Variants in PRKG1 observed in about 807,000 individuals in gnomAD.
PRKG1 encodes the protein cGMP-dependent protein kinase 1.
Under a neutral mutation model 88.1 loss-of-function variants are expected in PRKG1, and 35 were observed. The ratio of observed to expected loss-of-function variants is 0.40; its 90% CI spans 0.30 to 0.53. The LOEUF (loss-of-function observed/expected upper bound fraction) is 0.53. Among genes scored for constraint, PRKG1 ranks in the 20% least tolerant of loss-of-function variants. The pLI is 0.59. For synonymous variants in PRKG1, 303 were observed against 292.5 expected (o/e 1.04, Z -0.37); for missense variants, 540 against 839.8 (o/e 0.64, Z 4.41).
intron 3 of PRKG1, among the ~76,000 whole-genome samples, chr10:51,601,000 G>A (rs904321079): frequency 1.3e-5 from 2 of 151,238 alleles, no homozygotes; most frequent in Admixed American, 6.6e-5. Flanking sequence ...GACAGCAGGG[G>A]GAGGGGGAAA....
chr10:51,419,968 A>G (rs1348543), intron 2 of PRKG1, among the ~76,000 whole-genome samples: 35,399 of 152,104 alleles, frequency 0.23, 4,425 homozygotes, highest in Middle Eastern at 0.29. Flanking sequence ...CACAAGAACA[A>G]AACTGTTACA....
intron 8 of PRKG1, 36 bp downstream of exon 8, chr10:52,133,941 CAT>C: frequency 6.6e-7 from 1 of 1,519,304 alleles, no homozygotes; most frequent in Non-Finnish European, 9.1e-7. Context: ...ATTACACACT[CAT>C]ATCAGCAACA....
At chr10:51,963,719 A>G (rs776507024) in intron 5 of PRKG1, among the ~76,000 whole-genome samples, 11 of 152,146 alleles carry the variant, frequency 7.2e-5, no homozygotes, top group Non-Finnish European at 1.2e-4. Flanking sequence ...ACATGCTGGG[A>G]TTACAGGCGT....
chr10:51,855,531 C>T (rs1012113264), intron 4 of PRKG1, among the ~76,000 whole-genome samples: 2 of 152,180 alleles, frequency 1.3e-5, no homozygotes, highest in African/African-American at 4.8e-5. Flanking sequence ...ATGTCCAGCA[C>T]AATCATTCTC....
At chr10:51,168,037 T>A (rs1474103276) in intron 2 of PRKG1, among the ~76,000 whole-genome samples, 3 of 152,190 alleles carry the variant, frequency 2.0e-5, no homozygotes, top group Non-Finnish European at 2.9e-5. Flanking sequence ...GATATGGATA[T>A]TCATAAATAT....
chr10:52,108,255 G>T (rs960769174), intron 7 of PRKG1, among the ~76,000 whole-genome samples: 1 of 152,168 alleles, frequency 6.6e-6, no homozygotes, highest in African/African-American at 2.4e-5. Context: ...ATGTTGACAT[G>T]TACATCACAC....
At position 51,218,490 on chromosome 10, in the gene PRKG1, C is replaced by CACATAT. The variant is rs1491238870; in HGVS notation, c.478+65161_478+65162insCATATA. ...ACTTTCATTATAGTTCATCTATCTTCATATATATATATATATATATATATA... is the reference window on the plus strand; with the variant it reads ...ACTTTCATTATAGTTCATCTATCTTCACATATATATATATATATATATATATATATA... On this transcript the variant is annotated intron_variant, in intron 2 of 17. Transcript: ENST00000373980. 5.6e-4 allele frequency among the ~76,000 whole-genome samples: 23 copies of CACATAT among 40,774 alleles called. No individual in the cohort carries two copies. The East Asian group carries it at 0.013, about 23-fold the overall frequency. The allele number at this position is 40,774 out of a possible 152,430, so 26.7% of individuals were successfully genotyped here.
intron 2 of PRKG1, among the ~76,000 whole-genome samples, chr10:51,387,115 G>A (rs1302568625): frequency 1.3e-5 from 2 of 151,926 alleles, no homozygotes; most frequent in Admixed American, 6.6e-5. Flanking sequence ...AACTGAAGGT[G>A]AGAGCAGCCA....
chr10:52,158,349 T>G (rs1838182532), intron 8 of PRKG1, among the ~76,000 whole-genome samples: 1 of 151,806 alleles, frequency 6.6e-6, no homozygotes, highest in African/African-American at 2.4e-5. Context: ...TCATAGGACC[T>G]GAGTAACTAT....
chr10:51,305,518 C>T (rs2132248261), intron 2 of PRKG1, among the ~76,000 whole-genome samples: 1 of 152,178 alleles, frequency 6.6e-6, no homozygotes, highest in East Asian at 1.9e-4. Context: ...ATAACTTTTT[C>T]CAGAAAAATC....
intron 3 of PRKG1, among the ~76,000 whole-genome samples, chr10:51,763,995 T>A (rs1376644156): frequency 6.6e-6 from 1 of 152,216 alleles, no homozygotes; most frequent in Non-Finnish European, 1.5e-5. Context: ...AATCCATTCA[T>A]GAAGTCAGAG....
At chr10:51,347,299 G>A (rs745911338) in intron 2 of PRKG1, among the ~76,000 whole-genome samples, 4 of 152,136 alleles carry the variant, frequency 2.6e-5, no homozygotes, top group Non-Finnish European at 5.9e-5. Flanking sequence ...TATTGAAGAA[G>A]AGTGAATATC....
chr10:52,246,991 T>C (rs1195829455), intron 9 of PRKG1, among the ~76,000 whole-genome samples: 2 of 151,210 alleles, frequency 1.3e-5, no homozygotes, highest in East Asian at 3.9e-4. Flanking sequence ...ATTTGAGAAA[T>C]GATGTATTAC....
At chr10:51,507,800 C>G (rs1375066704) in intron 3 of PRKG1, among the ~76,000 whole-genome samples, 2 of 152,090 alleles carry the variant, frequency 1.3e-5, no homozygotes, top group Non-Finnish European at 2.9e-5. Flanking sequence ...TTCAATTACA[C>G]CATCGAAGAT....
intron 3 of PRKG1, among the ~76,000 whole-genome samples, chr10:51,676,076 C>T (rs1451357690): frequency 6.6e-6 from 1 of 151,412 alleles, no homozygotes; most frequent in Non-Finnish European, 1.5e-5. Context: ...TTGGGACCAG[C>T]CTGGGCAAAA....
intron 3 of PRKG1, among the ~76,000 whole-genome samples, chr10:51,787,069 T>C (rs1226010355): frequency 1.3e-5 from 2 of 152,188 alleles, no homozygotes; most frequent in Non-Finnish European, 2.9e-5. Flanking sequence ...GGAATGTCCT[T>C]GAAGGACTTA....
intron 1 of PRKG1, among the ~76,000 whole-genome samples, chr10:51,087,427 T>C (rs930032739): frequency 6.6e-6 from 1 of 152,190 alleles, no homozygotes; most frequent in African/African-American, 2.4e-5. Flanking sequence ...TCCCAGTTTT[T>C]CATATGGAGA....
At chr10:51,859,923 C>T (rs1021692226) in intron 4 of PRKG1, among the ~76,000 whole-genome samples, 1 of 152,154 alleles carries the variant, frequency 6.6e-6, no homozygotes, top group African/African-American at 2.4e-5. Flanking sequence ...TCTTTGTGGG[C>T]CCTATTAGCC....
intron 2 of PRKG1, among the ~76,000 whole-genome samples, chr10:51,196,917 A>G (rs1359887599): frequency 6.6e-6 from 1 of 152,218 alleles, no homozygotes; most frequent in Non-Finnish European, 1.5e-5. Context: ...TTTCATAACA[A>G]GCATAATAGT....
Sources: allele counts gnomAD v4.1 joint callset (sites outside exome capture counted in the v4.1 genomes callset), GRCh38; gene constraint gnomAD v4.1.1; transcripts MANE v1.5; gene names NCBI Gene and HGNC (gene_info 2026-07-23, HGNC 2026-07-21).